The following MAPK10 variants were observed in gnomAD, a reference collection of about 807,000 sequenced individuals.
The protein encoded by MAPK10 is JNK3 alpha protein kinase.
In MAPK10, 25 loss-of-function variants were observed where a neutral mutation model predicts 59.3. That is an observed-to-expected ratio of 0.42 (90% CI 0.31 to 0.59). The LOEUF (loss-of-function observed/expected upper bound fraction) is 0.59. Among genes scored for constraint, MAPK10 ranks in the 20% least tolerant of loss-of-function variants. The probability of loss-of-function intolerance (pLI) is 0.15; values close to 1 mark genes in which losing one functional copy is unlikely to be tolerated. For synonymous variants in MAPK10, 190 were observed against 200.5 expected (o/e 0.95, Z 0.44); for missense variants, 351 against 568.9 (o/e 0.62, Z 3.90).
At chr4:86,523,839 T>C (rs1757287872) in intron 1 of MAPK10, among the ~76,000 whole-genome samples, 1 of 152,216 alleles carries the variant, frequency 6.6e-6, no homozygotes, top group Admixed American at 6.5e-5. Context: ...ATGTTTACAT[T>C]GAACTCATTT....
At chr4:86,379,700 T>C (rs1740392686) in intron 1 of MAPK10, among the ~76,000 whole-genome samples, 1 of 152,244 alleles carries the variant, frequency 6.6e-6, no homozygotes, top group Non-Finnish European at 1.5e-5. Context: ...CATTCCTTTG[T>C]TTCCTGTAAG....
At chr4:86,493,058 A>C (rs1325143336) in intron 1 of MAPK10, among the ~76,000 whole-genome samples, 1 of 152,232 alleles carries the variant, frequency 6.6e-6, no homozygotes, top group Non-Finnish European at 1.5e-5. Context: ...GCCATACTTC[A>C]ACCATTCATA....
At chr4:86,043,037 G>C (rs1012903089) in intron 11 of MAPK10, among the ~76,000 whole-genome samples, 2 of 152,044 alleles carry the variant, frequency 1.3e-5, no homozygotes, top group African/African-American at 4.8e-5. Context: ...GATATGGCCA[G>C]TTTAATATTT....
Position 86,254,898 on chromosome 4 carries a change from C to T in MAPK10, c.-6-60491G>A, listed in dbSNP as rs142643760. 1.3e-3 allele frequency among the ~76,000 whole-genome samples: 198 copies of T among 151,964 alleles called. 1 individual carries two copies. Among genetic ancestry groups the T allele is most frequent in the African/African-American group, 4.5e-3 (186 of 41,464 alleles). On this transcript the variant is annotated intron_variant, in intron 2 of 13. Coordinates refer to ENST00000641462, the MANE Select transcript of MAPK10 (RefSeq NM_138982.4). ...GTTTTTGTAAGTATTCTCGGAAATACCAAAACGCTTGCTCTGATCACACTT... is the reference window on the plus strand; with the variant it reads ...GTTTTTGTAAGTATTCTCGGAAATATCAAAACGCTTGCTCTGATCACACTT...
At chr4:86,289,891 C>T (rs1368972024) in intron 2 of MAPK10, among the ~76,000 whole-genome samples, 1 of 152,032 alleles carries the variant, frequency 6.6e-6, no homozygotes, top group Non-Finnish European at 1.5e-5. Context: ...TAAGTTTTAG[C>T]TTGAGCAACT....
At chr4:86,326,952 T>C (rs549437586) in intron 2 of MAPK10, 3 of 152,314 alleles carry the variant, frequency 2.0e-5, no homozygotes, top group African/African-American at 7.2e-5. Context: ...ATGCATGTAA[T>C]ATACAAGGAC....
At chr4:86,217,597 T>C (rs1583027378) in intron 2 of MAPK10, among the ~76,000 whole-genome samples, 1 of 152,294 alleles carries the variant, frequency 6.6e-6, no homozygotes, top group African/African-American at 2.4e-5. Flanking sequence ...ACACACAGAA[T>C]ACTCAGCATG....
At chr4:86,543,843 G>A (rs772619735) in intron 1 of MAPK10, among the ~76,000 whole-genome samples, 1 of 152,006 alleles carries the variant, frequency 6.6e-6, no homozygotes, top group Non-Finnish European at 1.5e-5. Context: ...AGGGAAAGGA[G>A]AACAGAAAAC....
intron 1 of MAPK10, among the ~76,000 whole-genome samples, chr4:86,434,136 G>A (rs1162019157): frequency 6.6e-6 from 1 of 152,128 alleles, no homozygotes; most frequent in African/African-American, 2.4e-5. Context: ...AGAACATGCA[G>A]TGGGGAAAGG....
In MAPK10 at chr4:86,101,885, T is replaced by C. The variant is rs1337222376; in HGVS notation, c.564+9A>G. On this transcript the variant is annotated intron_variant, in intron 7 of 13. Transcript: ENST00000641462. ...ATTTGAATTGTAATCCTAGAGAAGG[T>C]GTTCTTACCCTGTGAATAATTCCAG... The C allele has an allele frequency of 6.2e-6, 10 of 1,613,578 alleles. No homozygotes were observed. The highest frequency in any genetic ancestry group is 7.6e-6 in the Non-Finnish European group (9 of 1,179,730).
At chr4:86,184,089 T>C (rs2077571790) in intron 3 of MAPK10, among the ~76,000 whole-genome samples, 1 of 152,176 alleles carries the variant, frequency 6.6e-6, no homozygotes, top group Non-Finnish European at 1.5e-5. Context: ...ATTCTGTAGG[T>C]TGCCTGTTCA....
intron 12 of MAPK10, among the ~76,000 whole-genome samples, chr4:86,030,549 T>A (rs2038791718): frequency 6.6e-6 from 1 of 151,996 alleles, no homozygotes; most frequent in Non-Finnish European, 1.5e-5. Flanking sequence ...CCCAGGTTGG[T>A]TCTGAACTCC....
intron 4 of MAPK10, chr4:86,120,725 C>G (rs562340731): frequency 1.3e-5 from 2 of 152,050 alleles, no homozygotes; most frequent in Non-Finnish European, 2.9e-5. Context: ...TTTATCTAGT[C>G]GATGTTTTAG....
At chr4:86,436,550 T>C (rs1297206291) in intron 1 of MAPK10, among the ~76,000 whole-genome samples, 3 of 152,158 alleles carry the variant, frequency 2.0e-5, no homozygotes, top group African/African-American at 7.2e-5. Context: ...AATTTTCATA[T>C]TCTAATAGTT....
At chr4:86,137,229 T>G (rs28846216) in intron 4 of MAPK10, among the ~76,000 whole-genome samples, 27,179 of 151,768 alleles carry the variant, frequency 0.18, 2,552 homozygotes, top group African/African-American at 0.21. Flanking sequence ...CAACAGAATA[T>G]ACATTTTTTC....
At chr4:86,073,483 G>T (rs1398981339) in intron 9 of MAPK10, among the ~76,000 whole-genome samples, 1 of 137,050 alleles carries the variant, frequency 7.3e-6, no homozygotes, top group African/African-American at 2.6e-5. Flanking sequence ...TAATTGTGAT[G>T]TTAGGGTGTC....
chr4:86,352,361 AATACT>A (rs1731995027), intron 2 of MAPK10: 1 of 152,208 alleles, frequency 6.6e-6, no homozygotes, highest in Admixed American at 6.6e-5. Context: ...GATACAATAG[AATACT>A]ATACAACAAT....
At chr4:86,151,538 G>C (rs568813658) in intron 4 of MAPK10, among the ~76,000 whole-genome samples, 1 of 152,140 alleles carries the variant, frequency 6.6e-6, no homozygotes, top group Non-Finnish European at 1.5e-5. Context: ...ATCCGGATGA[G>C]AGTTTGGAAA....
intron 1 of MAPK10, among the ~76,000 whole-genome samples, chr4:86,578,537 T>A (rs1386931665): frequency 6.6e-6 from 1 of 152,230 alleles, no homozygotes; most frequent in Admixed American, 6.5e-5. Flanking sequence ...ACTATTATTG[T>A]GCTTTTGTGT....
Sources: allele counts gnomAD v4.1 joint callset (sites outside exome capture counted in the v4.1 genomes callset), GRCh38; gene constraint gnomAD v4.1.1; transcripts MANE v1.5; gene names NCBI Gene and HGNC (gene_info 2026-07-23, HGNC 2026-07-21).